HOMER1: variants seen among roughly 807,000 people sequenced by gnomAD.
The protein encoded by HOMER1 is homer scaffold protein 1.
HOMER1 carries 3 observed loss-of-function variants against 48.9 expected under a neutral mutation model. The ratio of observed to expected loss-of-function variants is 0.06; its 90% confidence interval spans 0.03 to 0.16. The LOEUF (loss-of-function observed/expected upper bound fraction) is 0.16, where lower values mean the gene tolerates loss of function less well. Among genes scored for constraint, HOMER1 ranks in the 10% least tolerant of loss-of-function variants. The pLI, the probability that HOMER1 is intolerant of heterozygous loss-of-function variation, is 1.00. For missense variants in HOMER1, 247 were observed against 411.4 expected (o/e 0.60, Z 3.46); for synonymous variants, 134 against 146.4 (o/e 0.92, Z 0.61).
At chr5:79,394,250 A>T (rs1234517566) in intron 8 of HOMER1, among the ~76,000 whole-genome samples, 1 of 152,182 alleles carries the variant, frequency 6.6e-6, no homozygotes, top group Non-Finnish European at 1.5e-5. Flanking sequence ...ATTCTTTTCC[A>T]AGGAATTTAA....
chr5:79,446,335 C>T (rs1183821992), intron 4 of HOMER1, among the ~76,000 whole-genome samples: 1 of 152,130 alleles, frequency 6.6e-6, no homozygotes, highest in South Asian at 2.1e-4. Flanking sequence ...ATGGAAATTC[C>T]AATAAAGCTC....
intron 8 of HOMER1, among the ~76,000 whole-genome samples, chr5:79,382,015 A>T (rs1488011513): frequency 6.6e-6 from 1 of 152,224 alleles, no homozygotes; most frequent in Non-Finnish European, 1.5e-5. Context: ...TGAATGAAAT[A>T]AAAAATACAT....
chr5:79,459,882 G>A (rs1281063635), intron 1 of HOMER1, among the ~76,000 whole-genome samples: 4 of 151,996 alleles, frequency 2.6e-5, no homozygotes, highest in Non-Finnish European at 5.9e-5. Context: ...CCTTAGTACA[G>A]GTAAGTTTGA....
At chr5:79,416,983 C>G (rs1466574452) in intron 5 of HOMER1, among the ~76,000 whole-genome samples, 3 of 152,102 alleles carry the variant, frequency 2.0e-5, no homozygotes, top group Non-Finnish European at 4.4e-5. Flanking sequence ...AGAGCCAGAT[C>G]TAAGGGAAGG....
intron 1 of HOMER1, among the ~76,000 whole-genome samples, chr5:79,481,045 T>C (rs1751930639): frequency 6.6e-6 from 1 of 152,260 alleles, no homozygotes; most frequent in African/African-American, 2.4e-5. Context: ...TAATCATTTA[T>C]GATACAGATC....
chr5:79,510,427 T>A, intron 1 of HOMER1: 1 of 664,676 alleles, frequency 1.5e-6, no homozygotes, highest in South Asian at 1.4e-5. Flanking sequence ...CGCCTTAAGG[T>A]GCAGACATGG....
At chr5:79,512,017 C>T (rs1041945989) in intron 1 of HOMER1, among the ~76,000 whole-genome samples, 22 of 152,292 alleles carry the variant, frequency 1.4e-4, no homozygotes, top group African/African-American at 5.3e-4. Flanking sequence ...ATTTCATCAA[C>T]CCACAGTGTG....
chr5:79,415,241 G>A (rs907273889), intron 5 of HOMER1, among the ~76,000 whole-genome samples: 1 of 140,956 alleles, frequency 7.1e-6, no homozygotes, highest in Admixed American at 7.1e-5. Context: ...TTTTTTTTTT[G>A]TAGAGACAGG....
At chr5:79,500,967 C>G (rs62363158) in intron 1 of HOMER1, among the ~76,000 whole-genome samples, 847 of 68,314 alleles carry the variant, frequency 0.012, 9 homozygotes, top group East Asian at 0.079. Flanking sequence ...CAGACAGACA[C>G]ACACACACAC....
At chr5:79,443,821 A>T (rs566073462) in intron 4 of HOMER1, among the ~76,000 whole-genome samples, 2 of 152,184 alleles carry the variant, frequency 1.3e-5, no homozygotes, top group Non-Finnish European at 2.9e-5. Context: ...ATTATTAACC[A>T]TGACCTGACA....
chr5:79,486,234 G>GCT (rs1426915415), intron 1 of HOMER1, among the ~76,000 whole-genome samples: 1 of 152,132 alleles, frequency 6.6e-6, no homozygotes, highest in Non-Finnish European at 1.5e-5. Flanking sequence ...ACAGAGATGA[G>GCT]CTCTCTCTCA....
Position 79,469,943 on chromosome 5 carries a change from T to C in HOMER1, c.6-12925A>G, listed in dbSNP as rs1751574054. Among the ~76,000 whole-genome samples, 3 of 152,342 alleles carry C rather than the reference T, an allele frequency of 2.0e-5. No individual in the cohort carries two copies. The South Asian group carries it at 6.2e-4, about 32-fold the overall frequency. On this transcript the variant is annotated intron_variant, in intron 1 of 8. Transcript: ENST00000334082. ...ATGCATTAGCTCTATTTCATAAAAG[T>C]AGTGTTAATACAACCCAGTCACCAT... is the stretch of plus-strand genomic sequence containing the variant.
chr5:79,448,237 G>A (rs947310194), intron 3 of HOMER1, among the ~76,000 whole-genome samples: 1 of 152,100 alleles, frequency 6.6e-6, no homozygotes, highest in Non-Finnish European at 1.5e-5. Flanking sequence ...ATCTGAATAC[G>A]AAGCTACAAG....
At chr5:79,439,518 C>G (rs1750685911) in intron 4 of HOMER1, among the ~76,000 whole-genome samples, 1 of 151,458 alleles carries the variant, frequency 6.6e-6, no homozygotes, top group Non-Finnish European at 1.5e-5. Flanking sequence ...AAAAGATGCA[C>G]AAAAATGCAA....
chr5:79,453,476 T>A (rs746199924), intron 2 of HOMER1, among the ~76,000 whole-genome samples: 6 of 152,236 alleles, frequency 3.9e-5, no homozygotes, highest in Non-Finnish European at 8.8e-5. Context: ...TATTACTTGT[T>A]CTTTAATGAA....
At chr5:79,510,535 G>A (rs376405380) in intron 1 of HOMER1, 3 of 740,952 alleles carry the variant, frequency 4.0e-6, no homozygotes, top group East Asian at 2.6e-5. Flanking sequence ...CTCTTAAGGG[G>A]GTGGACCCCA....
chr5:79,409,084 G>GAAAAAAA (rs772069998), intron 5 of HOMER1, among the ~76,000 whole-genome samples: 2 of 109,576 alleles, frequency 1.8e-5, no homozygotes, highest in African/African-American at 4.5e-5. Context: ...TTTGTCTTGA[G>GAAAAAAA]AAAAAAAAAA....
chr5:79,498,770 T>C (rs1228372919), intron 1 of HOMER1, among the ~76,000 whole-genome samples: 1 of 151,790 alleles, frequency 6.6e-6, no homozygotes, highest in Non-Finnish European at 1.5e-5. Flanking sequence ...AACTTACAAC[T>C]ACCTCGGGAT....
intron 4 of HOMER1, among the ~76,000 whole-genome samples, chr5:79,446,304 C>T (rs1750879377): frequency 6.6e-6 from 1 of 152,176 alleles, no homozygotes; most frequent in African/African-American, 2.4e-5. Flanking sequence ...ACTATTTCCC[C>T]TCCCCTGCTT....
Sources: allele counts gnomAD v4.1 joint callset (sites outside exome capture counted in the v4.1 genomes callset), GRCh38; gene constraint gnomAD v4.1.1; transcripts MANE v1.5; gene names NCBI Gene and HGNC (gene_info 2026-07-23, HGNC 2026-07-21).